Variants in SYNE1 observed in about 807,000 individuals in gnomAD.
The protein encoded by SYNE1 is spectrin repeat containing nuclear envelope protein 1, also known as nesprin-1.
Under a neutral mutation model 1,111.0 loss-of-function variants are expected in SYNE1, and 616 were observed. The observed-to-expected ratio is 0.55, with a 90% CI of 0.52 to 0.59. The LOEUF (loss-of-function observed/expected upper bound fraction) is 0.59, where lower values mean the gene tolerates loss of function less well. Among genes scored for constraint, SYNE1 ranks in the 20% least tolerant of loss-of-function variants. The pLI, the probability that SYNE1 is intolerant of heterozygous loss-of-function variation, is 0.00. For missense variants in SYNE1, 10,006 were observed against 10,417.0 expected (o/e 0.96, Z 1.72); for synonymous variants, 3,855 against 3,825.8 (o/e 1.01, Z -0.28).
At chr6:152,576,686 A>G (rs565862982) in intron 3 of SYNE1, among the ~76,000 whole-genome samples, 1 of 152,284 alleles carries the variant, frequency 6.6e-6, no homozygotes, top group South Asian at 2.1e-4. Context: ...CAGATTCTTG[A>G]CCTTCCTATT....
At chr6:152,393,757 TG>T (rs2154137836) in intron 51 of SYNE1, among the ~76,000 whole-genome samples, 1 of 151,902 alleles carries the variant, frequency 6.6e-6, no homozygotes, top group East Asian at 1.9e-4. Context: ...CAAGGAATAC[TG>T]GGCATGTTTG....
rs201436749 is a variant in SYNE1, at chr6:152,293,657, G to A, written c.17943C>T (p.Ala5981=). Residue 5981 remains alanine, a synonymous_variant, in exon 95 of 146, where the codon GCC becomes GCT. Coordinates refer to ENST00000367255, the MANE Select transcript of SYNE1 (RefSeq NM_182961.4). ...SLQSISTKME[A]IELKLSESPE... is the part of the protein sequence containing the mutation. ...GGCTCTCACTGAGTTTCAGCTCAAT[G>A]GCCTCCATCTTCGTAGAGATGGACT... 2 of 1,614,090 alleles carry A rather than the reference G, an allele frequency of 1.2e-6. No individual in the cohort carries two copies. Among genetic ancestry groups the A allele is most frequent in the Admixed American group, 1.7e-5 (1 of 60,016 alleles).
At chr6:152,472,489 C>T (rs746884322) in intron 14 of SYNE1, 76 bp from the exon 15 acceptor site, 17 of 1,326,624 alleles carry the variant, frequency 1.3e-5, no homozygotes, top group African/African-American at 2.9e-5. Flanking sequence ...ATTTCCAGCC[C>T]GCACCGATGA....
At chr6:152,451,284 A>G (rs2098646847) in intron 25 of SYNE1, 79 bp from the exon 26 acceptor site, 9 of 1,479,662 alleles carry the variant, frequency 6.1e-6, no homozygotes, top group African/African-American at 1.4e-5. Context: ...GGCAAAAAAA[A>G]AAACAAAAAC....
intron 126 of SYNE1, 21 bp downstream of exon 126, chr6:152,206,147 T>G: frequency 6.2e-7 from 1 of 1,610,386 alleles, no homozygotes; most frequent in South Asian, 1.1e-5. Flanking sequence ...TTTTGGTTCG[T>G]TTTTTTCTAA....
chr6:152,306,771 C>G (rs1373938979), intron 91 of SYNE1, among the ~76,000 whole-genome samples: 1 of 150,748 alleles, frequency 6.6e-6, no homozygotes, highest in African/African-American at 2.4e-5. Context: ...CTCGTAGTCC[C>G]AAATACTTGG....
intron 6 of SYNE1, among the ~76,000 whole-genome samples, chr6:152,513,333 TG>T (rs1456721503): frequency 6.6e-6 from 1 of 152,088 alleles, no homozygotes; most frequent in South Asian, 2.1e-4. Flanking sequence ...TTCATAAGCA[TG>T]GGGCCCTAAT....
chr6:152,416,300 C>G, intron 41 of SYNE1, 87 bp downstream of exon 41: 2 of 1,572,748 alleles, frequency 1.3e-6, no homozygotes, highest in Admixed American at 1.7e-5. Context: ...TTTCCTTGAA[C>G]AGTACTAATA....
chr6:152,294,060 C>T lies in SYNE1; in HGVS notation c.17750G>A (p.Ser5917Asn). 6.2e-7 allele frequency: 1 copy of T among 1,613,940 alleles called. No individual in the cohort carries two copies. The highest frequency in any genetic ancestry group is 8.5e-7 in the Non-Finnish European group (1 of 1,179,990). The change falls in exon 94 of 146, where the codon AGC becomes AAC. Residue 5917 changes from serine to asparagine, a missense_variant. By Grantham distance (46) the Ser-to-Asn change is conservative. Coordinates refer to ENST00000367255, the MANE Select transcript of SYNE1 (RefSeq NM_182961.4). ...LQTDAAKIHP[S>N]TSASQEFYEP... ...ATAGAACTCCTGGGATGCGGATGTG[C>T]TGGGGTGAATTTTTGCAGCATCTGT...
In SYNE1 at chr6:152,376,817, G is replaced by T. The variant is rs2097289818; in HGVS notation, c.9105C>A (p.Thr3035=). The change falls in exon 57 of 146, where the codon ACC becomes ACA. Residue 3035 remains threonine (T), a synonymous_variant. Coordinates refer to ENST00000367255, the MANE Select transcript of SYNE1 (RefSeq NM_182961.4). The stretch of plus-strand genomic sequence containing the variant: ...TCAAGCCAGAAACTTTTCCACTGTA[G>T]GTACTCAGGTCTCTGGAAAATCGAC... The part of the protein sequence containing the change: ...ELCRFSRDLS[T]YSGKVSGLIK... The T allele has an allele frequency of 6.2e-7, 1 of 1,613,906 alleles. No individual in the cohort carries two copies. The highest frequency in any genetic ancestry group is 2.2e-5 in the East Asian group (1 of 44,884).
chr6:152,535,292 G>C (rs189070957), intron 4 of SYNE1, among the ~76,000 whole-genome samples: 1 of 152,092 alleles, frequency 6.6e-6, no homozygotes, highest in South Asian at 2.1e-4. Context: ...ACTTTGTTAC[G>C]GCAATCCCAG....
At chr6:152,400,557 G>A (rs2097796806) in intron 47 of SYNE1, among the ~76,000 whole-genome samples, 1 of 152,090 alleles carries the variant, frequency 6.6e-6, no homozygotes, top group Admixed American at 6.5e-5. Flanking sequence ...CAACTATTGG[G>A]GAGACTGTGG....
intron 4 of SYNE1, among the ~76,000 whole-genome samples, chr6:152,532,666 C>T (rs1210740764): frequency 6.6e-6 from 1 of 152,176 alleles, no homozygotes; most frequent in East Asian, 1.9e-4. Flanking sequence ...CAAGGGTTGA[C>T]TCTCCATGTG....
chr6:152,204,616 G>T (rs1375872934), intron 126 of SYNE1, among the ~76,000 whole-genome samples: 2 of 152,110 alleles, frequency 1.3e-5, no homozygotes, highest in African/African-American at 4.8e-5. Context: ...TTCCTTCTTA[G>T]GCAAACGGAT....
intron 54 of SYNE1, among the ~76,000 whole-genome samples, chr6:152,386,765 G>A (rs1045518091): frequency 4.0e-5 from 6 of 151,528 alleles, no homozygotes; most frequent in African/African-American, 1.5e-4. Flanking sequence ...CAACTTTAAC[G>A]GCGACATTTG....
At chr6:152,362,034 A>G in intron 64 of SYNE1, 136 bp downstream of exon 64, 1 of 1,190,884 alleles carries the variant, frequency 8.4e-7, no homozygotes, top group Non-Finnish European at 1.2e-6. Context: ...AAGCCTTTAG[A>G]GATTATACTA....
At chr6:152,251,478 G>T (rs564340853) in intron 104 of SYNE1, among the ~76,000 whole-genome samples, 345 of 152,164 alleles carry the variant, frequency 2.3e-3, no homozygotes, top group African/African-American at 7.5e-3. Context: ...AAAAATGCAG[G>T]CCGGGCGCGG....
chr6:152,367,535 G>A, intron 61 of SYNE1, 153 bp from the exon 62 acceptor site: 1 of 854,438 alleles, frequency 1.2e-6, no homozygotes, highest in Non-Finnish European at 1.9e-6. Context: ...ATATGTTAAA[G>A]ATCTTTCTAA....
At chr6:152,329,420 G>A (rs1159778672) in intron 78 of SYNE1, among the ~76,000 whole-genome samples, 1 of 152,058 alleles carries the variant, frequency 6.6e-6, no homozygotes, top group African/African-American at 2.4e-5. Context: ...CCAGCTACTC[G>A]GGAGGCTGAG....
Sources: gnomAD v4.1 joint callset for allele counts (sites outside exome capture counted in the v4.1 genomes callset) on GRCh38, gnomAD v4.1.1 for gene constraint, MANE v1.5 for transcripts, NCBI Gene and HGNC (gene_info 2026-07-23, HGNC 2026-07-21) for gene names.